Variants in CUX1 observed in about 807,000 individuals in gnomAD.
CUX1 encodes the protein cut like homeobox 1.
CUX1 carries 31 observed loss-of-function variants against 158.8 expected under a neutral mutation model. The observed-to-expected ratio is 0.20, with a 90% CI of 0.15 to 0.26. CUX1 has a LOEUF of 0.26. Ranked by LOEUF, CUX1 falls within the 10% of genes least tolerant of loss-of-function variation. The pLI, the probability that CUX1 is intolerant of heterozygous loss-of-function variation, is 1.00. For synonymous variants in CUX1, 879 were observed against 862.1 expected (o/e 1.02, Z -0.34); for missense variants, 1,589 against 2,014.6 (o/e 0.79, Z 4.04).
At position 102,273,419 on chromosome 7, in the gene CUX1, G is replaced by A. The variant is rs1296544997; in HGVS notation, c.1309G>A (p.Glu437Lys). Residue 437 changes from glutamate to lysine, a missense_variant, in exon 15 of 23, where the codon GAG (glutamate) becomes AAG (lysine). Transcript: ENST00000292538. ...CACTGAGGCTGTGGCCACAGCCACTGAGCAGAGAGAGCTGATCGCCCGCCT... is the reference window on the plus strand; with the variant it reads ...CACTGAGGCTGTGGCCACAGCCACTAAGCAGAGAGAGCTGATCGCCCGCCT... The A allele has an allele frequency of 3.1e-6, 5 of 1,613,026 alleles. No homozygotes were observed. The highest frequency in any genetic ancestry group is 1.3e-5 in the African/African-American group (1 of 74,932).
chr7:102,222,809 A>ATTTTTTTTTTTTTTTTT (rs1554527459), intron 20 of CUX1, among the ~76,000 whole-genome samples: 3 of 23,284 alleles, frequency 1.3e-4, no homozygotes, highest in Non-Finnish European at 2.3e-4. Flanking sequence ...GGGGCACCGT[A>ATTTTTTTTTTTTTTTTT]TCTTTTTTTT....
intron 7 of CUX1, chr7:102,111,996 T>C (rs1482704192): frequency 1.6e-5 from 8 of 493,566 alleles, no homozygotes; most frequent in African/African-American, 3.9e-5. Flanking sequence ...AGGATCTCGA[T>C]TCCATTTTCA....
intron 1 of CUX1, among the ~76,000 whole-genome samples, chr7:101,894,438 GACGCTGGGATTACAGGCGCCCACCACC>G (rs1275779372): frequency 1.3e-5 from 2 of 152,104 alleles, no homozygotes; most frequent in Non-Finnish European, 2.9e-5. Context: ...AGCCTCCCAA[GACGCTGGGATTACAGGCGCCCACCACC>G]ACACTTGGAT....
At chr7:102,021,614 C>CTCTT (rs1819365544) in intron 2 of CUX1, among the ~76,000 whole-genome samples, 1 of 109,342 alleles carries the variant, frequency 9.1e-6, no homozygotes. Flanking sequence ...TTTTTTTTCT[C>CTCTT]TTTTTTTTTT....
At chr7:102,143,259 C>T (rs1834656171) in intron 8 of CUX1, among the ~76,000 whole-genome samples, 1 of 152,150 alleles carries the variant, frequency 6.6e-6, no homozygotes, top group South Asian at 2.1e-4. Flanking sequence ...ATTCTCTGTT[C>T]TTGGCTAACA....
chr7:101,887,315 C>G (rs1215105915), intron 1 of CUX1, among the ~76,000 whole-genome samples: 2 of 149,660 alleles, frequency 1.3e-5, no homozygotes, highest in East Asian at 3.9e-4. Context: ...TTTTTTCTTT[C>G]TTTTTTTTTA....
chr7:102,121,838 C>T (rs1389218158), intron 8 of CUX1, among the ~76,000 whole-genome samples: 5 of 152,072 alleles, frequency 3.3e-5, no homozygotes, highest in Admixed American at 3.3e-4. Context: ...TTGCTTGAGA[C>T]CACGGCGGTC....
intron 2 of CUX1, among the ~76,000 whole-genome samples, chr7:102,000,257 C>G (rs1489211888): frequency 6.6e-6 from 1 of 151,796 alleles, no homozygotes; most frequent in African/African-American, 2.4e-5. Context: ...TAGTTTAGCT[C>G]TTTTGGAAAG....
At chr7:102,005,437 C>T (rs1174320307) in intron 2 of CUX1, among the ~76,000 whole-genome samples, 2 of 152,196 alleles carry the variant, frequency 1.3e-5, no homozygotes, top group Non-Finnish European at 2.9e-5. Context: ...TGGGCTCAAG[C>T]GATGCTCCCA....
chr7:102,068,237 G>GCATTGC (rs2130534631), intron 3 of CUX1, among the ~76,000 whole-genome samples: 1 of 147,908 alleles, frequency 6.8e-6, no homozygotes, highest in African/African-American at 2.5e-5. Flanking sequence ...TATTACAGGT[G>GCATTGC]CATTGCCACC....
At chr7:101,817,171 G>T, upstream of CUX1, 4 of 984,318 alleles carry the variant, frequency 4.1e-6, no homozygotes, top group South Asian at 1.9e-4. The surrounding 1 kb of genome is among the most constrained non-coding windows in gnomAD (Gnocchi z 4.1). Context: ...CCCTAGGCAG[G>T]CCCCAAGCTG....
chr7:102,152,855 C>A (rs1328679259), intron 8 of CUX1, among the ~76,000 whole-genome samples: 1 of 152,254 alleles, frequency 6.6e-6, no homozygotes, highest in East Asian at 1.9e-4. Context: ...TGCCCTGCAA[C>A]TGCAGAGTGT....
chr7:101,861,279 T>C (rs73712577), intron 1 of CUX1, among the ~76,000 whole-genome samples: 5,456 of 152,312 alleles, frequency 0.036, 330 homozygotes, highest in African/African-American at 0.12. Flanking sequence ...ACTTTTTTAA[T>C]GTCTGGCAGA....
intron 2 of CUX1, among the ~76,000 whole-genome samples, chr7:101,984,290 T>A (rs1813980494): frequency 6.7e-6 from 1 of 149,536 alleles, no homozygotes; most frequent in Non-Finnish European, 1.5e-5. Context: ...AACACATGGG[T>A]GTGCCTCCTA....
chr7:102,073,305 C>T (rs942079683), intron 4 of CUX1, among the ~76,000 whole-genome samples: 2 of 151,562 alleles, frequency 1.3e-5, no homozygotes, highest in Admixed American at 6.6e-5. Context: ...TCCCACATAG[C>T]TGTGATTACA....
At chr7:101,820,406 A>G (rs1792333371) in intron 1 of CUX1, among the ~76,000 whole-genome samples, 1 of 152,246 alleles carries the variant, frequency 6.6e-6, no homozygotes, top group African/African-American at 2.4e-5. Context: ...TGTAAATTTC[A>G]CAGACAGGTA....
intron 22 of CUX1, among the ~76,000 whole-genome samples, chr7:102,235,859 C>T (rs1049654387): frequency 1.4e-4 from 20 of 147,274 alleles, no homozygotes; most frequent in Non-Finnish European, 1.9e-4. Context: ...GTTCTTAATT[C>T]ACCCAGAAAT....
chr7:101,900,907 A>G (rs897829119), intron 1 of CUX1, among the ~76,000 whole-genome samples: 1 of 152,230 alleles, frequency 6.6e-6, no homozygotes, highest in Non-Finnish European at 1.5e-5. Context: ...AATGTGTGTA[A>G]GTTGCAGGAT....
chr7:101,845,580 T>TG (rs764322391), intron 1 of CUX1, among the ~76,000 whole-genome samples: 6 of 152,152 alleles, frequency 3.9e-5, no homozygotes, highest in Non-Finnish European at 7.4e-5. Flanking sequence ...TAGATAGGCT[T>TG]GGGGCTGGCT....
Sources: gnomAD v4.1 joint callset for allele counts (sites outside exome capture counted in the v4.1 genomes callset) on GRCh38, gnomAD v4.1.1 for gene constraint, Gnocchi (gnomAD v3.1) non-coding constraint, MANE v1.5 for transcripts, NCBI Gene and HGNC (gene_info 2026-07-23, HGNC 2026-07-21) for gene names.